Variants in RFTN1 observed in about 807,000 individuals in gnomAD.
RFTN1 encodes the protein raftlin.
Under a neutral mutation model 46.5 loss-of-function variants are expected in RFTN1, and 26 were observed. The observed-to-expected ratio is 0.56, with a 90% CI of 0.41 to 0.78. The LOEUF is 0.78. Among genes scored for constraint, RFTN1 ranks in the 30% least tolerant of loss-of-function variants. The pLI, the probability that RFTN1 is intolerant of heterozygous loss-of-function variation, is 0.00. For missense variants in RFTN1, 693 were observed against 718.7 expected (o/e 0.96, Z 0.41); for synonymous variants, 261 against 284.2 (o/e 0.92, Z 0.82).
At chr3:16,472,457 G>C (rs2076215666) in intron 2 of RFTN1, 1 of 152,202 alleles carries the variant, frequency 6.6e-6, no homozygotes, top group Admixed American at 6.5e-5. Flanking sequence ...GAAGAAATTA[G>C]AACCTTAAAA....
In RFTN1 at chr3:16,418,103, C is replaced by T. The variant is rs2075118408; in HGVS notation, c.333-8620G>A. 6.6e-6 allele frequency among the ~76,000 whole-genome samples: 1 copy of T among 152,174 alleles called. No homozygotes were observed. The highest frequency in any genetic ancestry group is 1.5e-5 in the Non-Finnish European group (1 of 68,030). On this transcript the variant is annotated intron_variant, in intron 3 of 9. Transcript: ENST00000334133. The surrounding 1 kb of genome is among the most constrained non-coding windows in gnomAD (Gnocchi z 5.0). ...TAAAATAGCATTGTTGTAACAAGTA[C>T]TGCTAACACTTATGAGTGCTTTCAA...
chr3:16,462,826 A>G (rs1352289272), intron 2 of RFTN1, among the ~76,000 whole-genome samples: 1 of 152,240 alleles, frequency 6.6e-6, no homozygotes, highest in Non-Finnish European at 1.5e-5. Context: ...CCTTTAAACT[A>G]CAACTTGCAG....
rs558577587 is a variant in RFTN1 at position 16,362,745 on chromosome 3, C to T, written c.1031-4698G>A. Among the ~76,000 whole-genome samples the T allele has an allele frequency of 3.3e-5, 5 of 152,318 alleles. No homozygotes were observed. The South Asian group carries it at 1.0e-3, about 32-fold the overall frequency. On this transcript the variant is annotated intron_variant, in intron 6 of 9. Transcript: ENST00000334133. ...GCCCTTTAAAAGTGCCTGCCATGTG[C>T]TTTCAGTACTTAAGTGCTTAATTCA...
rs2076251283 is a variant in RFTN1, at chr3:16,474,533, TG to T, written c.145+19191del. On this transcript the variant is annotated intron_variant, in intron 2 of 9. Transcript: ENST00000334133. This position sits in a 1 kb window ranked among gnomAD's most constrained non-coding sequence, Gnocchi z 5.5. Reference sequence around the variant, plus strand: ...AGCCAGCCGATTCTCTGGTGATGAGTGATGCTGGGAACAGCAGACTGGACAT... The same window carrying T: ...AGCCAGCCGATTCTCTGGTGATGAGTATGCTGGGAACAGCAGACTGGACAT... Among the ~76,000 whole-genome samples the T allele has an allele frequency of 1.3e-5, 2 of 151,830 alleles. No individual in the cohort carries two copies. The highest frequency in any genetic ancestry group is 2.1e-4 in the South Asian group (1 of 4,794).
rs2071539727 is a variant in RFTN1 at position 16,344,900 on chromosome 3, T to G, written c.1146+13032A>C. On this transcript the variant is annotated intron_variant, in intron 7 of 9. Transcript: ENST00000334133. The surrounding 1 kb of genome is among the most constrained non-coding windows in gnomAD (Gnocchi z 4.4). ...CCCCCAACCTTTTATGCTCACTGATTTAATATACTTCAGTTCTCTCTGGAG... is the reference window on the plus strand; with the variant it reads ...CCCCCAACCTTTTATGCTCACTGATGTAATATACTTCAGTTCTCTCTGGAG... 6.6e-6 allele frequency among the ~76,000 whole-genome samples: 1 copy of G among 152,236 alleles called. No homozygotes were observed. The highest frequency in any genetic ancestry group is 2.4e-5 in the African/African-American group (1 of 41,450).
chr3:16,326,851 A>G lies in RFTN1; in HGVS notation c.1172T>C (p.Val391Ala). The G allele has an allele frequency of 1.2e-6, 2 of 1,614,088 alleles. No individual in the cohort carries two copies. Among genetic ancestry groups the G allele is most frequent in the Non-Finnish European group, 1.7e-6 (2 of 1,179,992 alleles). ...GGCCGCCAGCGAGTTCAGCAGGGGCACGTAGTCTGTCTGCACTTCGACACC... is the reference window on the plus strand; with the variant it reads ...GGCCGCCAGCGAGTTCAGCAGGGGCGCGTAGTCTGTCTGCACTTCGACACC... ...LEGVEVQTDY[V>A]PLLNSLAAYG... The change falls in exon 8 of 10, where the codon GTG becomes GCG. Residue 391 changes from valine to alanine, a missense_variant. Physicochemically the swap from Val to Ala is moderately conservative, Grantham distance 64. Coordinates refer to ENST00000334133, the MANE Select transcript of RFTN1 (RefSeq NM_015150.2).
intron 2 of RFTN1, among the ~76,000 whole-genome samples, chr3:16,463,530 T>C (rs1309920880): frequency 1.3e-5 from 2 of 152,222 alleles, no homozygotes; most frequent in Non-Finnish European, 2.9e-5. Context: ...TTTTATTCTT[T>C]ATAGATTCCA....
intron 2 of RFTN1, chr3:16,454,687 A>G (rs1575317314): frequency 1.2e-6 from 1 of 821,968 alleles, no homozygotes; most frequent in African/African-American, 1.9e-5. Flanking sequence ...GAGAATTCCT[A>G]CTCATCCTTC....
chr3:16,323,148 C>T (rs529628171), intron 9 of RFTN1, among the ~76,000 whole-genome samples: 1 of 152,316 alleles, frequency 6.6e-6, no homozygotes, highest in East Asian at 1.9e-4. Flanking sequence ...TCTCCTCCAT[C>T]CTTCTGGCCG....
chr3:16,358,380 AC>A (rs2072600542), intron 6 of RFTN1, among the ~76,000 whole-genome samples: 1 of 152,122 alleles, frequency 6.6e-6, no homozygotes, highest in Non-Finnish European at 1.5e-5. Context: ...CCAGGGTAAA[AC>A]ACAGTCATTT....
chr3:16,452,284 A>C lies in RFTN1; in HGVS notation c.146-18247T>G, dbSNP rs558247526. Among the ~76,000 whole-genome samples, 1 of 152,320 alleles carries C rather than the reference A, an allele frequency of 6.6e-6. No individual in the cohort carries two copies. The highest frequency in any genetic ancestry group is 2.1e-4 in the South Asian group (1 of 4,828). ...TCTAAAGAAAACTAAAAAAAAAATA[A>C]TAGCTGTCAAGGTAGATGAAGGTAA... On this transcript the variant is annotated intron_variant, in intron 2 of 9. Coordinates refer to ENST00000334133, the MANE Select transcript of RFTN1 (RefSeq NM_015150.2). This position sits in a 1 kb window ranked among gnomAD's most constrained non-coding sequence, Gnocchi z 6.3.
rs1036230928 is a variant in RFTN1, at chr3:16,381,362, T to C, written c.442-3260A>G. Among the ~76,000 whole-genome samples, 6 of 152,192 alleles carry C rather than the reference T, an allele frequency of 3.9e-5. No homozygotes were observed. The highest frequency in any genetic ancestry group is 1.4e-4 in the African/African-American group (6 of 41,442). ...TGTAAAAATTCCTCATAGAGGATAA[T>C]ATAGTAATGGATGTGAAGGCATAGA... On this transcript the variant is annotated intron_variant, in intron 4 of 9. Transcript: ENST00000334133. The surrounding 1 kb of genome is among the most constrained non-coding windows in gnomAD (Gnocchi z 4.2).
chr3:16,323,717 G>T (rs1317637586), intron 8 of RFTN1, among the ~76,000 whole-genome samples: 1 of 152,206 alleles, frequency 6.6e-6, no homozygotes, highest in Non-Finnish European at 1.5e-5. Flanking sequence ...TCCCTTAATG[G>T]GAAGTAACAG....
At chr3:16,439,890 G>C (rs530200440) in intron 2 of RFTN1, among the ~76,000 whole-genome samples, 6 of 152,320 alleles carry the variant, frequency 3.9e-5, no homozygotes, top group African/African-American at 1.4e-4. Flanking sequence ...AACGTTTTAA[G>C]TATCAAGGAT....
Position 16,327,977 on chromosome 3 carries a change from G to A in RFTN1, c.1147-1101C>T, listed in dbSNP as rs1056559928. On this transcript the variant is annotated intron_variant, in intron 7 of 9. Coordinates refer to ENST00000334133, the MANE Select transcript of RFTN1 (RefSeq NM_015150.2). The surrounding 1 kb of genome is among the most constrained non-coding windows in gnomAD (Gnocchi z 4.2). ...CTCATCCCTCATAGTTTGGCTTCTT[G>A]TAGTTGGCTTCCGAAAATCTCAAAC... 6.6e-6 allele frequency among the ~76,000 whole-genome samples: 1 copy of A among 152,182 alleles called. No homozygotes were observed. Among genetic ancestry groups the A allele is most frequent in the African/African-American group, 2.4e-5 (1 of 41,444 alleles).
At position 16,320,647 on chromosome 3, in the gene RFTN1, T is replaced by C. The variant is rs2068942875; in HGVS notation, c.1332+2729A>G. Among the ~76,000 whole-genome samples the C allele has an allele frequency of 6.6e-6, 1 of 152,152 alleles. No homozygotes were observed. The highest frequency in any genetic ancestry group is 1.5e-5 in the Non-Finnish European group (1 of 68,028). Reference sequence around the variant, plus strand: ...GGTAGTACAAAGGAGTCTGGTTTGGTATAAAAGGAGACAGCACTGTTCTGA... The same window carrying C: ...GGTAGTACAAAGGAGTCTGGTTTGGCATAAAAGGAGACAGCACTGTTCTGA... On this transcript the variant is annotated intron_variant, in intron 9 of 9. Coordinates refer to ENST00000334133, the MANE Select transcript of RFTN1 (RefSeq NM_015150.2). This position sits in a 1 kb window ranked among gnomAD's most constrained non-coding sequence, Gnocchi z 4.5.
At chr3:16,445,449 A>C (rs2075708261) in intron 2 of RFTN1, among the ~76,000 whole-genome samples, 2 of 140,888 alleles carry the variant, frequency 1.4e-5, no homozygotes, top group South Asian at 2.3e-4. Context: ...GTCTGTTGCC[A>C]TTTTTTCTTT....
intron 1 of RFTN1, among the ~76,000 whole-genome samples, chr3:16,495,856 T>TC (rs1284308282): frequency 6.6e-6 from 1 of 152,158 alleles, no homozygotes; most frequent in Non-Finnish European, 1.5e-5. Flanking sequence ...AGCCCCTGCA[T>TC]CCCCCCTTGG....
intron 4 of RFTN1, among the ~76,000 whole-genome samples, chr3:16,392,853 G>GA (rs1395268830): frequency 6.6e-6 from 1 of 151,996 alleles, no homozygotes; most frequent in African/African-American, 2.4e-5. Flanking sequence ...GCCAGATACT[G>GA]AAAAAAGCTA....
Sources: gnomAD v4.1 joint callset for allele counts (sites outside exome capture counted in the v4.1 genomes callset) on GRCh38, gnomAD v4.1.1 for gene constraint, Gnocchi (gnomAD v3.1) non-coding constraint, MANE v1.5 for transcripts, NCBI Gene and HGNC (gene_info 2026-07-23, HGNC 2026-07-21) for gene names.